ENTREP2: variants seen among roughly 807,000 people sequenced by gnomAD.
The protein encoded by ENTREP2 is protein ENTREP2.
chr15:29,659,882 T>C, the ENTREP2 span, among the ~76,000 whole-genome samples: 1 of 151,966 alleles, frequency 6.6e-6, no homozygotes, highest in Admixed American at 6.6e-5. Flanking sequence ...CACTGCAACC[T>C]CCGCCTCCCA....
At chr15:29,574,972 G>A in the ENTREP2 span, among the ~76,000 whole-genome samples, 1 of 152,158 alleles carries the variant, frequency 6.6e-6, no homozygotes, top group Non-Finnish European at 1.5e-5. Context: ...AGATTATGGA[G>A]ATAATGAGGG....
At chr15:29,230,062 C>A in the ENTREP2 span, among the ~76,000 whole-genome samples, 1 of 152,146 alleles carries the variant, frequency 6.6e-6, no homozygotes, top group African/African-American at 2.4e-5. Flanking sequence ...TGTCAAGACA[C>A]CTGGATATCA....
At chr15:29,533,540 C>T in the ENTREP2 span, among the ~76,000 whole-genome samples, 1 of 152,170 alleles carries the variant, frequency 6.6e-6, no homozygotes, top group Non-Finnish European at 1.5e-5. Flanking sequence ...TGAGAAATAG[C>T]ATTTCTTCAT....
At chr15:29,610,709 G>A in the ENTREP2 span, 1 of 150,158 alleles carries the variant, frequency 6.7e-6, no homozygotes, top group African/African-American at 2.4e-5. Context: ...TTCCCAGATT[G>A]ACCTCGTAAT....
the ENTREP2 span, among the ~76,000 whole-genome samples, chr15:29,431,570 A>C: frequency 3.3e-5 from 5 of 152,154 alleles, no homozygotes; most frequent in Admixed American, 6.5e-5. Context: ...ACCCTCTCCC[A>C]AAATTTATAT....
At chr15:29,606,381 C>T in the ENTREP2 span, among the ~76,000 whole-genome samples, 11 of 151,690 alleles carry the variant, frequency 7.3e-5, no homozygotes, top group Middle Eastern at 3.4e-3. Flanking sequence ...ACTACAAGCG[C>T]GCGCCACCAC....
the ENTREP2 span, among the ~76,000 whole-genome samples, chr15:29,328,209 G>C: frequency 6.6e-6 from 1 of 152,192 alleles, no homozygotes; most frequent in African/African-American, 2.4e-5. Context: ...TAATTCCAAT[G>C]ACATGGCATT....
the ENTREP2 span, among the ~76,000 whole-genome samples, chr15:29,464,475 C>A: frequency 6.6e-6 from 1 of 152,130 alleles, no homozygotes; most frequent in South Asian, 2.1e-4. Context: ...AAAATCAAAT[C>A]ATGGAAGCTA....
At chr15:29,331,744 A>G in the ENTREP2 span, among the ~76,000 whole-genome samples, 1 of 152,204 alleles carries the variant, frequency 6.6e-6, no homozygotes, top group South Asian at 2.1e-4. Flanking sequence ...TCTCACCCCA[A>G]CAATTCTACT....
the ENTREP2 span, among the ~76,000 whole-genome samples, chr15:29,521,463 C>G: frequency 1.3e-5 from 2 of 152,152 alleles, no homozygotes; most frequent in Admixed American, 6.5e-5. Context: ...TCTAAACAAG[C>G]AGCACTGTAA....
At chr15:29,404,920 A>C in the ENTREP2 span, among the ~76,000 whole-genome samples, 1 of 151,528 alleles carries the variant, frequency 6.6e-6, no homozygotes, top group Non-Finnish European at 1.5e-5. Flanking sequence ...ATCCATCCAA[A>C]TCAGGGACAT....
the ENTREP2 span, among the ~76,000 whole-genome samples, chr15:29,581,512 C>T: frequency 6.6e-6 from 1 of 152,024 alleles, no homozygotes; most frequent in Non-Finnish European, 1.5e-5. Flanking sequence ...AATATTTGGC[C>T]AAATATCTGG....
the ENTREP2 span, among the ~76,000 whole-genome samples, chr15:29,385,017 C>G: frequency 6.6e-6 from 1 of 152,168 alleles, no homozygotes; most frequent in Non-Finnish European, 1.5e-5. Flanking sequence ...AACCATGGCC[C>G]CACCCTCCTC....
the ENTREP2 span, among the ~76,000 whole-genome samples, chr15:29,595,019 G>C: frequency 2.3e-5 from 3 of 130,460 alleles, no homozygotes; most frequent in Non-Finnish European, 4.6e-5. Flanking sequence ...AGTGAGCCGA[G>C]ATCACGCCAC....
chr15:29,512,521 G>T, the ENTREP2 span, among the ~76,000 whole-genome samples: 4 of 152,190 alleles, frequency 2.6e-5, no homozygotes, highest in African/African-American at 9.6e-5. Flanking sequence ...ATGGTATTAG[G>T]AGATGGGGAG....
the ENTREP2 span, among the ~76,000 whole-genome samples, chr15:29,150,762 T>G: frequency 6.6e-6 from 1 of 152,098 alleles, no homozygotes; most frequent in East Asian, 1.9e-4. Context: ...TAACTGGATG[T>G]TGACTGCCAC....
At chr15:29,245,498 CCACA>C in the ENTREP2 span, among the ~76,000 whole-genome samples, 22,268 of 151,350 alleles carry the variant, frequency 0.15, 2,116 homozygotes, top group Non-Finnish European at 0.22. Flanking sequence ...CAGAAAATAC[CCACA>C]CAAAGAATGC....
chr15:29,436,135 G>A, the ENTREP2 span, among the ~76,000 whole-genome samples: 16,863 of 152,154 alleles, frequency 0.11, 1,753 homozygotes, highest in African/African-American at 0.28. Flanking sequence ...TTCAGATGTC[G>A]GAGATCTTGC....
the ENTREP2 span, among the ~76,000 whole-genome samples, chr15:29,671,355 T>G: frequency 0.012 from 1,759 of 152,316 alleles, 36 homozygotes; most frequent in African/African-American, 0.041. Context: ...GTGGGGATTG[T>G]AAGAACCTCC....
Sources: gnomAD v4.1 joint callset for allele counts (sites outside exome capture counted in the v4.1 genomes callset) on GRCh38, gnomAD v4.1.1 for gene constraint, MANE v1.5 for transcripts, NCBI Gene and HGNC (gene_info 2026-07-23, HGNC 2026-07-21) for gene names.